The following NELL1 variants were observed in gnomAD, a reference collection of about 807,000 sequenced individuals.
The protein encoded by NELL1 is protein kinase C-binding protein NELL1.
Under a neutral mutation model 107.4 loss-of-function variants are expected in NELL1, and 76 were observed. The observed-to-expected ratio is 0.71, with a 90% CI of 0.59 to 0.86. The LOEUF is 0.86. Among genes scored for constraint, NELL1 ranks in the 40% least tolerant of loss-of-function variants. The pLI, the probability that NELL1 is intolerant of heterozygous loss-of-function variation, is 0.00. For synonymous variants in NELL1, 353 were observed against 341.2 expected, an observed-to-expected ratio of 1.03 and a Z score of -0.38; for missense variants, 1,024 against 1,005.5, an observed-to-expected ratio of 1.02 and a Z score of -0.25.
chr11:21,019,696 C>G (rs1387897742), intron 12 of NELL1, among the ~76,000 whole-genome samples: 1 of 152,034 alleles, frequency 6.6e-6, no homozygotes, highest in Non-Finnish European at 1.5e-5. Flanking sequence ...GATCTGATCT[C>G]AAATCCCAAT....
intron 15 of NELL1, among the ~76,000 whole-genome samples, chr11:21,419,776 T>G (rs559335775): frequency 6.6e-6 from 1 of 152,282 alleles, no homozygotes; most frequent in East Asian, 1.9e-4. Context: ...TATATAAATT[T>G]GAAATATGAT....
At chr11:21,147,836 C>CAAAACAAAAAAA (rs1856017262) in intron 13 of NELL1, among the ~76,000 whole-genome samples, 1 of 28,804 alleles carries the variant, frequency 3.5e-5, no homozygotes, top group Non-Finnish European at 6.0e-5. Flanking sequence ...AACTCCGTCT[C>CAAAACAAAAAAA]AAAAAAAAAA....
chr11:21,414,275 T>C (rs1017548602), intron 15 of NELL1, among the ~76,000 whole-genome samples: 1 of 152,062 alleles, frequency 6.6e-6, no homozygotes, highest in Non-Finnish European at 1.5e-5. Flanking sequence ...CTGATGGAAC[T>C]GATGGTACTT....
rs114732092 is a variant in NELL1 at position 20,736,208 on chromosome 11, A to T, written c.185-47472A>T. 7.4e-3 allele frequency among the ~76,000 whole-genome samples: 1,129 copies of T among 152,138 alleles called. 12 individuals are homozygous for T. Among genetic ancestry groups the T allele is most frequent in the African/African-American group, 0.026 (1,078 of 41,520 alleles). Reference sequence around the variant, plus strand: ...AAGAATGTGTGAAAAGAGGAAAATAAATGAGGCCATGTGATTGGCTAGAGC... The same window carrying T: ...AAGAATGTGTGAAAAGAGGAAAATATATGAGGCCATGTGATTGGCTAGAGC... On this transcript the variant is annotated intron_variant, in intron 2 of 19. Coordinates refer to ENST00000357134, the MANE Select transcript of NELL1 (RefSeq NM_006157.5).
chr11:21,187,588 G>T (rs180990073), intron 13 of NELL1, among the ~76,000 whole-genome samples: 2 of 151,758 alleles, frequency 1.3e-5, no homozygotes, highest in African/African-American at 4.9e-5. Flanking sequence ...GTGTCTCTGG[G>T]CAAGGGTGCT....
At chr11:21,522,115 T>A (rs1855739905) in intron 15 of NELL1, among the ~76,000 whole-genome samples, 1 of 151,962 alleles carries the variant, frequency 6.6e-6, no homozygotes, top group African/African-American at 2.4e-5. Context: ...CTGCCTGTAG[T>A]CCCAGCTGCT....
chr11:20,924,119 T>C (rs1192332383), intron 7 of NELL1, among the ~76,000 whole-genome samples: 1 of 152,188 alleles, frequency 6.6e-6, no homozygotes, highest in Admixed American at 6.5e-5. Context: ...TTAGAGAAAG[T>C]GTCAGGTAGT....
intron 12 of NELL1, among the ~76,000 whole-genome samples, chr11:20,970,879 A>T (rs1356547755): frequency 1.3e-5 from 2 of 152,174 alleles, no homozygotes; most frequent in Non-Finnish European, 1.5e-5. Context: ...ATGGAAAAAA[A>T]AATTAGAACT....
At chr11:21,337,331 G>A (rs1850426565) in intron 14 of NELL1, among the ~76,000 whole-genome samples, 1 of 152,144 alleles carries the variant, frequency 6.6e-6, no homozygotes, top group African/African-American at 2.4e-5. Flanking sequence ...TATTAATCAG[G>A]ATAGAAAAAC....
At chr11:20,795,781 C>CT (rs967469584) in intron 3 of NELL1, among the ~76,000 whole-genome samples, 17 of 148,440 alleles carry the variant, frequency 1.1e-4, no homozygotes, top group Non-Finnish European at 1.9e-4. Flanking sequence ...AAGGCATCTC[C>CT]TTTTTTTTTT....
At chr11:20,997,102 G>T (rs1415028815) in intron 12 of NELL1, among the ~76,000 whole-genome samples, 1 of 152,138 alleles carries the variant, frequency 6.6e-6, no homozygotes, top group African/African-American at 2.4e-5. Context: ...TGATTAAGAG[G>T]AAAAACACAT....
chr11:21,154,884 C>T (rs1188615339), intron 13 of NELL1, among the ~76,000 whole-genome samples: 7 of 152,184 alleles, frequency 4.6e-5, no homozygotes, highest in African/African-American at 7.2e-5. Flanking sequence ...ATAGATAATA[C>T]GAGTTAACAT....
At chr11:20,975,999 TTA>T (rs58933053) in intron 12 of NELL1, among the ~76,000 whole-genome samples, 1 of 136,428 alleles carries the variant, frequency 7.3e-6, no homozygotes, top group South Asian at 2.2e-4. Flanking sequence ...TATATGTGTA[TTA>T]TATATACATT....
intron 14 of NELL1, among the ~76,000 whole-genome samples, chr11:21,244,024 A>G (rs1285497396): frequency 1.3e-5 from 2 of 152,098 alleles, no homozygotes; most frequent in Non-Finnish European, 2.9e-5. Context: ...GCAGACAGGT[A>G]GCTGGAATCC....
At chr11:21,246,847 C>G (rs1364847335) in intron 14 of NELL1, among the ~76,000 whole-genome samples, 2 of 152,062 alleles carry the variant, frequency 1.3e-5, no homozygotes, top group African/African-American at 4.8e-5. Flanking sequence ...TGGTGGCAAG[C>G]CAGAGAGGAG....
At chr11:20,966,685 TC>T (rs1290919159) in intron 12 of NELL1, among the ~76,000 whole-genome samples, 1 of 151,946 alleles carries the variant, frequency 6.6e-6, no homozygotes, top group African/African-American at 2.4e-5. Context: ...CATGTCATCT[TC>T]CTCCCAGCAG....
chr11:20,951,408 T>G (rs1048360898), intron 11 of NELL1, among the ~76,000 whole-genome samples: 1 of 152,152 alleles, frequency 6.6e-6, no homozygotes, highest in Admixed American at 6.5e-5. Flanking sequence ...TCTTTACATT[T>G]GATTTTTTTT....
intron 15 of NELL1, among the ~76,000 whole-genome samples, chr11:21,465,751 C>T (rs1306853165): frequency 1.3e-5 from 2 of 152,024 alleles, no homozygotes; most frequent in Admixed American, 1.3e-4. Flanking sequence ...ACACATTTTC[C>T]TGAAAGCATT....
chr11:21,357,687 T>G (rs1022448184), intron 14 of NELL1, among the ~76,000 whole-genome samples: 3 of 152,234 alleles, frequency 2.0e-5, no homozygotes, highest in African/African-American at 7.2e-5. Flanking sequence ...TTGTTGCATT[T>G]GCTTTTGCGC....
Sources: gnomAD v4.1 joint callset for allele counts (sites outside exome capture counted in the v4.1 genomes callset) on GRCh38, gnomAD v4.1.1 for gene constraint, MANE v1.5 for transcripts, NCBI Gene and HGNC (gene_info 2026-07-23, HGNC 2026-07-21) for gene names.